The following B3GAT1 variants were observed in gnomAD, a reference collection of about 807,000 sequenced individuals.
The protein encoded by B3GAT1 is galactosylgalactosylxylosylprotein 3-beta-glucuronosyltransferase 1.
B3GAT1 carries 11 observed loss-of-function variants against 28.4 expected under a neutral mutation model. The ratio of observed to expected loss-of-function variants is 0.39; its 90% confidence interval spans 0.24 to 0.64. The LOEUF (loss-of-function observed/expected upper bound fraction) is 0.64. Among genes scored for constraint, B3GAT1 ranks in the 30% least tolerant of loss-of-function variants. B3GAT1 has a pLI of 0.50. For missense variants in B3GAT1, 375 were observed against 491.0 expected, an observed-to-expected ratio of 0.76 and a Z score of 2.23; for synonymous variants, 255 against 223.1, an observed-to-expected ratio of 1.14 and a Z score of -1.27.
At chr11:134,389,379 T>A (rs530873787) in intron 1 of B3GAT1, 1 of 152,498 alleles carries the variant, frequency 6.6e-6, no homozygotes, top group African/African-American at 2.4e-5. Context: ...GGCTGCCACA[T>A]TGAGGGGAGA....
chr11:134,396,854 G>A (rs1371975745), intron 1 of B3GAT1, among the ~76,000 whole-genome samples: 1 of 152,186 alleles, frequency 6.6e-6, no homozygotes, highest in Non-Finnish European at 1.5e-5. Context: ...AGAGGAGAGG[G>A]TCTGGGATCG....
rs922706370 is a variant in B3GAT1, at chr11:134,379,444, G to C, written c.*1318C>G. The C allele has an allele frequency of 6.6e-6, 1 of 152,540 alleles. No homozygotes were observed. Among genetic ancestry groups the C allele is most frequent in the Non-Finnish European group, 1.5e-5 (1 of 68,040 alleles). 9.4% of individuals were successfully genotyped at this position (152,540 alleles called of 1,614,324 possible). On this transcript the variant is annotated 3_prime_UTR_variant, in exon 6 of 6. Transcript: ENST00000312527. ...AGCCCGGCTGGGCCAGGGGGTCAGA[G>C]CCCTTTCCAGTGGGCCCCAGAGGCC...
In B3GAT1 at chr11:134,383,662, T is replaced by A. The variant is rs372556042; in HGVS notation, c.621+18A>T. 49 of 1,536,254 alleles carry A rather than the reference T, an allele frequency of 3.2e-5. No homozygotes were observed. In the East Asian group the frequency reaches 4.4e-4, roughly 14 times the overall value. On this transcript the variant is annotated intron_variant, in intron 3 of 5. Coordinates refer to ENST00000312527, the MANE Select transcript of B3GAT1 (RefSeq NM_054025.3). ...CGCAGCCGGAGGTCCCGCTGCTCACTGTCGGGCCCTCCCTCACCTCTTCGA... is the reference window on the plus strand; with the variant it reads ...CGCAGCCGGAGGTCCCGCTGCTCACAGTCGGGCCCTCCCTCACCTCTTCGA...
intron 1 of B3GAT1, among the ~76,000 whole-genome samples, chr11:134,408,039 A>C (rs1944767370): frequency 6.6e-6 from 1 of 152,216 alleles, no homozygotes; most frequent in South Asian, 2.1e-4. Context: ...ATTAGACACG[A>C]AAGTATTATT....
At chr11:134,383,349 C>G (rs191382353) in intron 3 of B3GAT1, among the ~76,000 whole-genome samples, 1 of 152,290 alleles carries the variant, frequency 6.6e-6, no homozygotes, top group Non-Finnish European at 1.5e-5. Flanking sequence ...CTAACACAGC[C>G]CATATACTCA....
chr11:134,399,729 G>C lies in B3GAT1; in HGVS notation c.-281-11789C>G, dbSNP rs78860873. ...GGCCCAGCCCAAGGTTGCACTGCTT[G>C]GGATGCTGAGTGCCGGTTGCAGCAA... On this transcript the variant is annotated intron_variant, in intron 1 of 5. Coordinates refer to ENST00000312527, the MANE Select transcript of B3GAT1 (RefSeq NM_054025.3). 4.3e-4 allele frequency among the ~76,000 whole-genome samples: 65 copies of C among 152,292 alleles called. 1 individual carries two copies. Among genetic ancestry groups the C allele is most frequent in the African/African-American group, 1.5e-3 (63 of 41,552 alleles).
intron 1 of B3GAT1, chr11:134,388,987 G>A (rs1242046992): frequency 6.6e-6 from 1 of 152,194 alleles, no homozygotes; most frequent in Non-Finnish European, 1.5e-5. Context: ...TGGGACTGCT[G>A]GCTAGAATGG....
rs867863580 is a variant in B3GAT1 at position 134,412,144 on chromosome 11, G to T, written c.-619C>A. Among the ~76,000 whole-genome samples the T allele has an allele frequency of 2.3e-5, 2 of 88,442 alleles. No individual in the cohort carries two copies. Among genetic ancestry groups the T allele is most frequent in the African/African-American group, 4.0e-5 (1 of 24,746 alleles). The allele number at this position is 88,442 out of a possible 152,430, so 58.0% of individuals were successfully genotyped here. On this transcript the variant is annotated 5_prime_UTR_variant, in exon 1 of 6. Coordinates refer to ENST00000312527, the MANE Select transcript of B3GAT1 (RefSeq NM_054025.3). ...GGGGGAGCGGGGAGCGGGCGCGGGG[G>T]CGAGAGGGGCGAGGGGGGCGCGCGG...
rs1366931801 is a variant in B3GAT1, at chr11:134,405,386, C to T, written c.-282+6421G>A. ...CACGGAGGGTCCACTGATGGTCACCCGCCTGGTGAGGTCCTGTGGTCAGGG... is the reference window on the plus strand; with the variant it reads ...CACGGAGGGTCCACTGATGGTCACCTGCCTGGTGAGGTCCTGTGGTCAGGG... On this transcript the variant is annotated intron_variant, in intron 1 of 5. Transcript: ENST00000312527. Among the ~76,000 whole-genome samples, 5 of 152,208 alleles carry T rather than the reference C, an allele frequency of 3.3e-5. No individual in the cohort carries two copies. In the East Asian group the frequency reaches 5.8e-4, roughly 18 times the overall value.
In B3GAT1 at chr11:134,412,098, G is replaced by GGCGGGGAGGGGA. The variant is rs1343020746; in HGVS notation, c.-574_-573insTCCCCTCCCCGC. ...GCGGGCAGGGAGGCGGGGGGCGGGG[G>GGCGGGGAGGGGA]GCGGGGAGGGGGAGCGGGGAGGGGG... On this transcript the variant is annotated 5_prime_UTR_variant, in exon 1 of 6. Transcript: ENST00000312527. Among the ~76,000 whole-genome samples, 316 of 48,248 alleles carry GGCGGGGAGGGGA rather than the reference G, an allele frequency of 6.5e-3. 3 individuals carry two copies. The highest frequency in any genetic ancestry group is 0.024 in the Middle Eastern group (2 of 84). The allele number at this position is 48,248 out of a possible 152,430, so 31.7% of individuals were successfully genotyped here. A position where few individuals can be genotyped will look rare whatever the true frequency, so the allele number is the denominator to read the frequency against.
intron 1 of B3GAT1, among the ~76,000 whole-genome samples, chr11:134,405,351 G>C (rs1944712027): frequency 6.6e-6 from 1 of 152,192 alleles, no homozygotes; most frequent in Non-Finnish European, 1.5e-5. Context: ...CCCAAACCCA[G>C]GTCTGAAGCC....
At chr11:134,407,473 C>T (rs1944757049) in intron 1 of B3GAT1, among the ~76,000 whole-genome samples, 1 of 152,246 alleles carries the variant, frequency 6.6e-6, no homozygotes, top group African/African-American at 2.4e-5. Flanking sequence ...GAAGAGAGAG[C>T]TCCTGCCATG....
chr11:134,406,837 G>A (rs560542500), intron 1 of B3GAT1, among the ~76,000 whole-genome samples: 1 of 152,086 alleles, frequency 6.6e-6, no homozygotes, highest in Non-Finnish European at 1.5e-5. Context: ...CAGCCAGTAG[G>A]ACCTGGCACT....
intron 1 of B3GAT1, among the ~76,000 whole-genome samples, chr11:134,409,034 T>C (rs1944796561): frequency 6.6e-6 from 1 of 152,216 alleles, no homozygotes; most frequent in Non-Finnish European, 1.5e-5. Flanking sequence ...GCCATCCTCA[T>C]CCTGGAAGCA....
intron 1 of B3GAT1, among the ~76,000 whole-genome samples, chr11:134,402,445 C>T (rs1259184137): frequency 6.6e-6 from 1 of 152,152 alleles, no homozygotes; most frequent in Non-Finnish European, 1.5e-5. Flanking sequence ...CTGTCACTCC[C>T]TGCCCCGTCT....
intron 1 of B3GAT1, 83 bp from the exon 2 acceptor site, chr11:134,388,023 C>A: frequency 4.0e-6 from 2 of 497,062 alleles, no homozygotes; most frequent in East Asian, 6.1e-5. Context: ...CTCTGGGACA[C>A]ACAGCATCGG....
chr11:134,394,963 T>C (rs1944475946), intron 1 of B3GAT1, among the ~76,000 whole-genome samples: 1 of 152,220 alleles, frequency 6.6e-6, no homozygotes. Flanking sequence ...AAATGGAAAC[T>C]GGGGTTTGGC....
chr11:134,381,956 G>T lies in B3GAT1; in HGVS notation c.987C>A (p.Asp329Glu). The stretch of plus-strand genomic sequence containing the variant: ...CTGAGGCTCAGATCTCCACCGAGGG[G>T]TCAGTGAAGCCCTTCTTGCCCTCAT... ...LVNEGKKGFTDPSVEI is the reference protein window; with the variant it reads ...LVNEGKKGFTEPSVEI The change falls in exon 5 of 6, where the codon GAC (aspartate) becomes GAA (glutamate). Residue 329 changes from aspartate (D) to glutamate (E), a missense_variant. Physicochemically the swap from Asp to Glu is conservative, Grantham distance 45. Transcript: ENST00000312527. 1.2e-6 allele frequency: 2 copies of T among 1,614,066 alleles called. No homozygotes were observed. Among genetic ancestry groups the T allele is most frequent in the South Asian group, 1.1e-5 (1 of 91,080 alleles).
intron 1 of B3GAT1, among the ~76,000 whole-genome samples, chr11:134,402,025 C>T (rs376327511): frequency 2.0e-5 from 3 of 150,910 alleles, no homozygotes; most frequent in East Asian, 2.0e-4. Flanking sequence ...TGGAACCTGG[C>T]GCTGTGGCCC....
Sources: gnomAD v4.1 joint callset for allele counts (sites outside exome capture counted in the v4.1 genomes callset) on GRCh38, gnomAD v4.1.1 for gene constraint, MANE v1.5 for transcripts, NCBI Gene and HGNC (gene_info 2026-07-23, HGNC 2026-07-21) for gene names.